KCTD16: variants seen among roughly 807,000 people sequenced by gnomAD.
KCTD16 encodes BTB/POZ domain-containing protein KCTD16.
In KCTD16, 13 loss-of-function variants were observed where a neutral mutation model predicts 33.2. The ratio of observed to expected loss-of-function variants is 0.39; its 90% CI spans 0.25 to 0.62. The LOEUF (loss-of-function observed/expected upper bound fraction) is 0.62, where lower values mean the gene tolerates loss of function less well. Ranked by LOEUF, KCTD16 falls within the 20% of genes least tolerant of loss-of-function variation. The pLI, the probability that KCTD16 is intolerant of heterozygous loss-of-function variation, is 0.50. For synonymous variants in KCTD16, 197 were observed against 195.3 expected (o/e 1.01, Z -0.07); for missense variants, 441 against 525.1 (o/e 0.84, Z 1.57).
chr5:144,353,757 G>A (rs1417429206), intron 3 of KCTD16, among the ~76,000 whole-genome samples: 1 of 152,120 alleles, frequency 6.6e-6, no homozygotes, highest in Non-Finnish European at 1.5e-5. Context: ...TGAGTGACAT[G>A]CAAATATATG....
At chr5:144,238,575 G>C (rs920950235) in intron 3 of KCTD16, among the ~76,000 whole-genome samples, 2 of 152,078 alleles carry the variant, frequency 1.3e-5, no homozygotes, top group Non-Finnish European at 2.9e-5. Flanking sequence ...GATGGTAACC[G>C]GGCTTTATCT....
chr5:144,235,008 A>G (rs1754210474), intron 3 of KCTD16, among the ~76,000 whole-genome samples: 1 of 152,146 alleles, frequency 6.6e-6, no homozygotes, highest in African/African-American at 2.4e-5. Flanking sequence ...AAAGCCATCC[A>G]ATAAGCAATA....
intron 3 of KCTD16, among the ~76,000 whole-genome samples, chr5:144,413,984 T>C (rs1455877612): frequency 6.6e-6 from 1 of 152,216 alleles, no homozygotes; most frequent in African/African-American, 2.4e-5. Context: ...TGGATTGGAT[T>C]AAGTGACCTT....
intron 3 of KCTD16, among the ~76,000 whole-genome samples, chr5:144,270,274 A>G (rs961689035): frequency 6.6e-5 from 10 of 151,942 alleles, no homozygotes; most frequent in Non-Finnish European, 1.2e-4. Context: ...TTTTTCTGTG[A>G]TTGACCATAT....
chr5:144,446,751 T>C (rs1753825480), intron 3 of KCTD16, among the ~76,000 whole-genome samples: 1 of 151,918 alleles, frequency 6.6e-6, no homozygotes, highest in Non-Finnish European at 1.5e-5. Flanking sequence ...GCAAAGAATA[T>C]GAATAGACAC....
rs2127003044 is a variant in KCTD16 at position 144,474,339 on chromosome 5, T to C, written c.*225T>C. The C allele has an allele frequency of 2.1e-6, 1 of 487,326 alleles. No individual in the cohort carries two copies. Among genetic ancestry groups the C allele is most frequent in the South Asian group, 2.5e-5 (1 of 40,130 alleles). 30.2% of individuals were successfully genotyped at this position (487,326 alleles called of 1,614,324 possible). On this transcript the variant is annotated 3_prime_UTR_variant, in exon 4 of 4. Transcript: ENST00000512467. ...GGAAGTACAAGAAAATCTTTTTTAG[T>C]TATTTGTTTGTTTACTTCGTCCCAT...
chr5:144,419,230 T>C (rs1360181163), intron 3 of KCTD16, among the ~76,000 whole-genome samples: 1 of 152,204 alleles, frequency 6.6e-6, no homozygotes, highest in African/African-American at 2.4e-5. Flanking sequence ...ATCCCTGATA[T>C]TCTTATGTTT....
At position 144,429,422 on chromosome 5, in the gene KCTD16, G is replaced by A. The variant is rs1180693600; in HGVS notation, c.833-44238G>A. The stretch of plus-strand genomic sequence containing the variant: ...TGAGCAGCAGAGAACATGACCTCAG[G>A]TAGTTCAGGTAGTGAACTAACACCA... On this transcript the variant is annotated intron_variant, in intron 3 of 3. Transcript: ENST00000512467. Among the ~76,000 whole-genome samples, 3 of 152,068 alleles carry A rather than the reference G, an allele frequency of 2.0e-5. No homozygotes were observed. The East Asian group carries it at 5.8e-4, about 29-fold the overall frequency.
At chr5:144,327,162 C>T (rs1434817493) in intron 3 of KCTD16, among the ~76,000 whole-genome samples, 2 of 152,130 alleles carry the variant, frequency 1.3e-5, no homozygotes, top group East Asian at 1.9e-4. Flanking sequence ...GACAGAAGTA[C>T]ATATAGTATT....
intron 3 of KCTD16, among the ~76,000 whole-genome samples, chr5:144,315,651 C>A (rs1751887092): frequency 6.6e-6 from 1 of 151,970 alleles, no homozygotes; most frequent in African/African-American, 2.4e-5. Context: ...ACTATTATTT[C>A]CCAGTTTAGT....
chr5:144,360,695 G>T (rs1338189590), intron 3 of KCTD16, among the ~76,000 whole-genome samples: 1 of 152,132 alleles, frequency 6.6e-6, no homozygotes, highest in Non-Finnish European at 1.5e-5. Context: ...CTCCCAAAGT[G>T]CTGGGATTAC....
chr5:144,171,566 C>T (rs987698090), intron 1 of KCTD16, among the ~76,000 whole-genome samples: 4 of 152,162 alleles, frequency 2.6e-5, no homozygotes, highest in African/African-American at 7.2e-5. Context: ...CAGTACTCCC[C>T]CCAACCAACC....
At chr5:144,178,439 T>A (rs6861242) in intron 2 of KCTD16, among the ~76,000 whole-genome samples, 68,539 of 151,826 alleles carry the variant, frequency 0.45, 16,343 homozygotes, top group African/African-American at 0.61. Flanking sequence ...ATTTTATTTT[T>A]AAACAGAGAC....
In KCTD16 at chr5:144,482,817, GTACATATGTA is replaced by G. The variant is rs1048028281; in HGVS notation, c.*8708_*8717del. 4 of 151,488 alleles carry G rather than the reference GTACATATGTA, an allele frequency of 2.6e-5. No homozygotes were observed. Among genetic ancestry groups the G allele is most frequent in the Non-Finnish European group, 5.9e-5 (4 of 67,838 alleles). The allele number at this position is 151,488 out of a possible 1,614,324, so 9.4% of individuals were successfully genotyped here. On this transcript the variant is annotated 3_prime_UTR_variant, in exon 4 of 4. Coordinates refer to ENST00000512467, the MANE Select transcript of KCTD16 (RefSeq NM_020768.4). ...TATATATAAATATATATCTATAGCT[GTACATATGTA>G]TACACCCATAAACAAAGCTCATAGT...
intron 3 of KCTD16, among the ~76,000 whole-genome samples, chr5:144,381,996 C>A (rs1752225811): frequency 1.4e-5 from 2 of 138,998 alleles, no homozygotes; most frequent in Non-Finnish European, 3.0e-5. Context: ...CAACAGTGGA[C>A]TGGATGAAAG....
At chr5:144,172,261 G>A (rs1000244411) in intron 1 of KCTD16, among the ~76,000 whole-genome samples, 1 of 152,064 alleles carries the variant, frequency 6.6e-6, no homozygotes, top group African/African-American at 2.4e-5. Flanking sequence ...ACCCATTAGC[G>A]AATTTATTTG....
intron 3 of KCTD16, among the ~76,000 whole-genome samples, chr5:144,256,527 G>C (rs940259500): frequency 6.6e-6 from 1 of 151,850 alleles, no homozygotes; most frequent in Non-Finnish European, 1.5e-5. Context: ...TACCCATAAG[G>C]TTCATTACTT....
intron 3 of KCTD16, among the ~76,000 whole-genome samples, chr5:144,330,492 C>T (rs759069639): frequency 2.5e-4 from 37 of 150,642 alleles, no homozygotes; most frequent in Non-Finnish European, 4.6e-4. Flanking sequence ...TACAGTATTA[C>T]CCATTCATTC....
intron 3 of KCTD16, among the ~76,000 whole-genome samples, chr5:144,243,135 G>A (rs1038905462): frequency 2.0e-5 from 3 of 152,172 alleles, no homozygotes; most frequent in South Asian, 2.1e-4. Context: ...GACCATAGAT[G>A]TAAAGTGTCA....
Sources: allele counts gnomAD v4.1 joint callset (sites outside exome capture counted in the v4.1 genomes callset), GRCh38; gene constraint gnomAD v4.1.1; transcripts MANE v1.5; gene names NCBI Gene and HGNC (gene_info 2026-07-23, HGNC 2026-07-21).